Variants in XRRA1 observed in about 807,000 individuals in gnomAD.
XRRA1 encodes the protein X-ray radiation resistance associated 1.
XRRA1 carries 69 observed loss-of-function variants against 80.2 expected under a neutral mutation model. The observed-to-expected ratio is 0.86, with a 90% CI of 0.71 to 1.05. The LOEUF (loss-of-function observed/expected upper bound fraction) is 1.05, where lower values mean the gene tolerates loss of function less well. Ranked by LOEUF, XRRA1 falls within the 50% of genes least tolerant of loss-of-function variation. The pLI, the probability that XRRA1 is intolerant of heterozygous loss-of-function variation, is 0.00. For synonymous variants in XRRA1, 348 were observed against 389.9 expected (o/e 0.89, Z 1.27); for missense variants, 967 against 976.4 (o/e 0.99, Z 0.13).
chr11:74,897,771 C>A (rs2137696938), intron 10 of XRRA1, among the ~76,000 whole-genome samples: 1 of 148,046 alleles, frequency 6.8e-6, no homozygotes, highest in Admixed American at 6.7e-5. Flanking sequence ...TGAAAATATT[C>A]TTTAAGCATG....
Position 74,841,516 on chromosome 11 carries a change from T to C in XRRA1, c.*1684A>G, listed in dbSNP as rs1458242521. The C allele has an allele frequency of 6.6e-6, 1 of 152,194 alleles. No homozygotes were observed. The highest frequency in any genetic ancestry group is 1.5e-5 in the Non-Finnish European group (1 of 68,032). 9.4% of individuals were successfully genotyped at this position (152,194 alleles called of 1,614,324 possible). A position where few individuals can be genotyped will look rare whatever the true frequency, so the allele number is the denominator to read the frequency against. On this transcript the variant is annotated 3_prime_UTR_variant, in exon 19 of 19. Transcript: ENST00000684022. ...GATGTGCAGATTGTTCTATGTATTATCAGTATTTTTTTCCTCTTAAGAAAA... is the reference window on the plus strand; with the variant it reads ...GATGTGCAGATTGTTCTATGTATTACCAGTATTTTTTTCCTCTTAAGAAAA...
At chr11:74,948,017 T>C (rs543168675) in intron 1 of XRRA1, among the ~76,000 whole-genome samples, 13 of 152,338 alleles carry the variant, frequency 8.5e-5, no homozygotes, top group Middle Eastern at 3.4e-3. Flanking sequence ...CCGGCCGAGA[T>C]AATTATTTTC....
At chr11:74,947,548 A>C (rs1947840083) in intron 1 of XRRA1, among the ~76,000 whole-genome samples, 1 of 152,076 alleles carries the variant, frequency 6.6e-6, no homozygotes. Flanking sequence ...AAAAAATAAA[A>C]AATAAAATAA....
chr11:74,856,439 T>G (rs2041121133), intron 12 of XRRA1, among the ~76,000 whole-genome samples: 1 of 152,204 alleles, frequency 6.6e-6, no homozygotes, highest in African/African-American at 2.4e-5. Flanking sequence ...TAACTTTTCT[T>G]GAGTCCAATA....
At position 74,844,173 on chromosome 11, in the gene XRRA1, T is replaced by C. The variant is rs1397775472; in HGVS notation, c.2038A>G (p.Lys680Glu). Residue 680 changes from lysine to glutamate, a missense_variant, in exon 17 of 19, where the codon AAA (lysine) becomes GAA (glutamate). Lys to Glu is a moderately conservative substitution (Grantham distance 56). Coordinates refer to ENST00000684022, the MANE Select transcript of XRRA1 (RefSeq NM_001378157.1). ...TLQKPYVHKE[K>E]RAQRIPIPPP... is the part of the protein sequence containing the mutation. ...TCAGTGAGCTGGATGTTTACCCGTT[T>C]CTCTTTGTGAACATAGGGTTTCTGA... The C allele has an allele frequency of 6.2e-7, 1 of 1,613,574 alleles. No individual in the cohort carries two copies. Among genetic ancestry groups the C allele is most frequent in the Non-Finnish European group, 8.5e-7 (1 of 1,179,546 alleles).
intron 10 of XRRA1, among the ~76,000 whole-genome samples, chr11:74,904,201 G>C (rs1017296571): frequency 1.3e-5 from 2 of 152,162 alleles, no homozygotes; most frequent in Non-Finnish European, 2.9e-5. Flanking sequence ...GATGGGAGTA[G>C]GGTGGCATAG....
Position 74,848,420 on chromosome 11 carries a change from G to C in XRRA1, c.1423C>G (p.Leu475Val), listed in dbSNP as rs762454001. The change falls in exon 15 of 19, where the codon CTC (leucine) becomes GTC (valine). Residue 475 changes from leucine to valine, a missense_variant. Transcript: ENST00000684022. ...IPKVPKQPLVLHHPRMTTTKS... is the reference protein window; with the variant it reads ...IPKVPKQPLVVHHPRMTTTKS... ...GTTGTCGTCATGCGCGGGTGATGGA[G>C]CACCAGAGGCTGCTTCGGCACCTTT... is the stretch of plus-strand genomic sequence containing the variant. The C allele has an allele frequency of 6.2e-7, 1 of 1,612,950 alleles. No individual in the cohort carries two copies. The highest frequency in any genetic ancestry group is 1.7e-5 in the Admixed American group (1 of 59,984).
At position 74,844,162 on chromosome 11, in the gene XRRA1, G is replaced by A; in HGVS notation, c.2043+6C>T. 5 of 1,612,398 alleles carry A rather than the reference G, an allele frequency of 3.1e-6. No homozygotes were observed. The highest frequency in any genetic ancestry group is 4.2e-6 in the Non-Finnish European group (5 of 1,178,462). On this transcript the variant is annotated splice_donor_region_variant and intron_variant, in intron 17 of 18. Coordinates refer to ENST00000684022, the MANE Select transcript of XRRA1 (RefSeq NM_001378157.1). ...CATTTACACATTCAGTGAGCTGGAT[G>A]TTTACCCGTTTCTCTTTGTGAACAT...
intron 10 of XRRA1, chr11:74,876,419 A>G (rs563503919): frequency 3.3e-5 from 5 of 152,148 alleles, no homozygotes; most frequent in Non-Finnish European, 7.4e-5. Flanking sequence ...GTGACTTTCT[A>G]TTAGACCAAG....
chr11:74,948,895 G>A (rs982323386), intron 1 of XRRA1, 33 bp downstream of exon 1: 13 of 181,120 alleles, frequency 7.2e-5, no homozygotes, highest in Non-Finnish European at 1.1e-4. Context: ...GCCGGAGAAA[G>A]ACTCGAATTC....
chr11:74,947,691 A>G (rs1034155136), intron 1 of XRRA1, among the ~76,000 whole-genome samples: 5 of 152,238 alleles, frequency 3.3e-5, no homozygotes, highest in Non-Finnish European at 7.3e-5. Context: ...TCACAGAGGT[A>G]ATGAAATATC....
intron 18 of XRRA1, 142 bp from the exon 19 acceptor site, chr11:74,843,595 G>A: frequency 2.5e-6 from 3 of 1,207,170 alleles, no homozygotes; most frequent in Non-Finnish European, 3.4e-6. Flanking sequence ...GGCCTTTCCA[G>A]CTTGGGAAGT....
At chr11:74,871,804 G>A (rs2044848791) in intron 10 of XRRA1, among the ~76,000 whole-genome samples, 1 of 152,210 alleles carries the variant, frequency 6.6e-6, no homozygotes, top group South Asian at 2.1e-4. Context: ...GGGATACTTA[G>A]GCTGATTTTC....
chr11:74,945,989 G>C (rs969146683), intron 1 of XRRA1, among the ~76,000 whole-genome samples: 18 of 151,656 alleles, frequency 1.2e-4, no homozygotes, highest in Non-Finnish European at 1.9e-4. Context: ...TTGAGACAAG[G>C]TCTCACTCTG....
At chr11:74,892,952 T>C (rs1357167049) in intron 10 of XRRA1, among the ~76,000 whole-genome samples, 2 of 152,174 alleles carry the variant, frequency 1.3e-5, no homozygotes, top group African/African-American at 4.8e-5. Flanking sequence ...TTTTACACTG[T>C]TGGTGGGACT....
chr11:74,904,455 T>C (rs1244689466), intron 10 of XRRA1, among the ~76,000 whole-genome samples: 1 of 151,360 alleles, frequency 6.6e-6, no homozygotes, highest in Admixed American at 6.6e-5. Flanking sequence ...GGTGAGACTC[T>C]GTCTCTAAAA....
At chr11:74,871,289 C>G (rs1197398513) in intron 10 of XRRA1, among the ~76,000 whole-genome samples, 1 of 152,174 alleles carries the variant, frequency 6.6e-6, no homozygotes, top group Admixed American at 6.5e-5. Flanking sequence ...CTCAGGGAAC[C>G]AAGAAGGGAA....
intron 5 of XRRA1, 31 bp from the exon 6 acceptor site, chr11:74,930,403 A>T (rs1196265913): frequency 6.6e-7 from 1 of 1,512,852 alleles, no homozygotes; most frequent in Non-Finnish European, 8.9e-7. Flanking sequence ...AAAAAAAAAA[A>T]ATCCACAAGA....
chr11:74,926,680 ATAAG>A (rs1565420307), intron 7 of XRRA1, among the ~76,000 whole-genome samples: 2 of 152,340 alleles, frequency 1.3e-5, no homozygotes, highest in East Asian at 3.9e-4. Context: ...TGAAAGCTAA[ATAAG>A]TAATCAACTT....
Sources: allele counts gnomAD v4.1 joint callset (sites outside exome capture counted in the v4.1 genomes callset), GRCh38; gene constraint gnomAD v4.1.1; transcripts MANE v1.5; gene names NCBI Gene and HGNC (gene_info 2026-07-23, HGNC 2026-07-21).